The following RFX3 variants were observed in gnomAD, a reference collection of about 807,000 sequenced individuals.
The protein encoded by RFX3 is regulatory factor X3, also known as transcription factor RFX3.
Under a neutral mutation model 98.6 loss-of-function variants are expected in RFX3, and 14 were observed. That is an observed-to-expected ratio of 0.14 (90% confidence interval 0.09 to 0.22). The LOEUF is 0.22. Ranked by LOEUF, RFX3 falls within the 10% of genes least tolerant of loss-of-function variation. The pLI is 1.00. For missense variants in RFX3, 639 were observed against 926.9 expected (o/e 0.69, Z 4.03); for synonymous variants, 383 against 328.4 (o/e 1.17, Z -1.80).
intron 3 of RFX3, among the ~76,000 whole-genome samples, chr9:3,339,281 C>T (rs2131026514): frequency 6.6e-6 from 1 of 152,202 alleles, no homozygotes; most frequent in African/African-American, 2.4e-5. Flanking sequence ...GAGTCACTTG[C>T]CCTGACAACA....
intron 2 of RFX3, among the ~76,000 whole-genome samples, chr9:3,376,485 C>T (rs186063913): frequency 9.9e-5 from 15 of 152,170 alleles, no homozygotes; most frequent in Admixed American, 7.9e-4. Flanking sequence ...ATAAAAAAAC[C>T]TCTCATACAC....
At chr9:3,378,215 A>C (rs943790595) in intron 2 of RFX3, among the ~76,000 whole-genome samples, 16 of 152,182 alleles carry the variant, frequency 1.1e-4, no homozygotes, top group Non-Finnish European at 1.5e-5. Flanking sequence ...TCAAATTGTT[A>C]CATGACTGTC....
intron 1 of RFX3, among the ~76,000 whole-genome samples, chr9:3,495,700 T>TGG (rs1851061548): frequency 6.6e-6 from 1 of 152,072 alleles, no homozygotes; most frequent in Non-Finnish European, 1.5e-5. Flanking sequence ...ACTCTTAAAA[T>TGG]ATCAAGGCAA....
chr9:3,330,390 T>C lies in RFX3; in HGVS notation c.343A>G (p.Thr115Ala), dbSNP rs745447929. Reference sequence around the variant, plus strand: ...GTGACGCCCATCTGAATCCCACCAGTGCCCACCATACTGTGGGATGAGACC... The same window carrying C: ...GTGACGCCCATCTGAATCCCACCAGCGCCCACCATACTGTGGGATGAGACC... ...TVVSSHSMVG[T>A]GGIQMGVTGG... The change falls in exon 4 of 17, where the codon ACT becomes GCT. Residue 115 changes from threonine (T) to alanine (A), a missense_variant. This residue lies in a region of RFX3 where 210 missense variants were observed against 197.7 expected (regional missense o/e 1.06). Transcript: ENST00000617270. 2.5e-6 allele frequency: 4 copies of C among 1,614,130 alleles called. No individual in the cohort carries two copies. Among genetic ancestry groups the C allele is most frequent in the Middle Eastern group, 1.6e-4 (1 of 6,062 alleles).
chr9:3,305,400 A>G (rs532245962), intron 4 of RFX3, among the ~76,000 whole-genome samples: 1 of 152,022 alleles, frequency 6.6e-6, no homozygotes, highest in Non-Finnish European at 1.5e-5. Flanking sequence ...TGCTAGTAGT[A>G]AGGTTAAAAT....
chr9:3,412,799 T>C (rs557072069), intron 1 of RFX3, among the ~76,000 whole-genome samples: 6 of 152,290 alleles, frequency 3.9e-5, no homozygotes, highest in African/African-American at 1.4e-4. Context: ...TTCTTACTTT[T>C]AAAAATTATT....
At chr9:3,304,385 C>G (rs745682851) in intron 4 of RFX3, among the ~76,000 whole-genome samples, 43 of 151,846 alleles carry the variant, frequency 2.8e-4, no homozygotes, top group Admixed American at 7.9e-4. Context: ...TGCAAAAGAT[C>G]ATGATTACAA....
chr9:3,328,621 G>C (rs896606231), intron 4 of RFX3, among the ~76,000 whole-genome samples: 8 of 152,098 alleles, frequency 5.3e-5, no homozygotes, highest in African/African-American at 1.9e-4. Context: ...AGAACAGCTA[G>C]TCATCTGTTC....
At chr9:3,519,154 C>T (rs1333350959) in intron 1 of RFX3, among the ~76,000 whole-genome samples, 1 of 152,108 alleles carries the variant, frequency 6.6e-6, no homozygotes, top group Non-Finnish European at 1.5e-5. Flanking sequence ...ATCATTAGTT[C>T]TTAATCTAAA....
chr9:3,391,289 A>T (rs1840284969), intron 2 of RFX3, among the ~76,000 whole-genome samples: 1 of 152,176 alleles, frequency 6.6e-6, no homozygotes, highest in South Asian at 2.1e-4. Context: ...CCACTGGAAT[A>T]TACTGGGGAG....
intron 1 of RFX3, among the ~76,000 whole-genome samples, chr9:3,446,611 AACAT>A (rs1266253136): frequency 6.6e-6 from 1 of 152,048 alleles, no homozygotes; most frequent in African/African-American, 2.4e-5. Flanking sequence ...CAAAAAAAAA[AACAT>A]ACATACAACT....
intron 1 of RFX3, among the ~76,000 whole-genome samples, chr9:3,438,912 TA>T (rs947282388): frequency 6.6e-6 from 1 of 151,998 alleles, no homozygotes; most frequent in Non-Finnish European, 1.5e-5. Flanking sequence ...AACCAAGATT[TA>T]TAATATTCTG....
chr9:3,498,369 T>C (rs952478577), intron 1 of RFX3, among the ~76,000 whole-genome samples: 1 of 152,060 alleles, frequency 6.6e-6, no homozygotes, highest in Admixed American at 6.6e-5. Context: ...AGATAAATTT[T>C]AAGTTTATCA....
chr9:3,291,731 C>T (rs1357504736), intron 6 of RFX3, among the ~76,000 whole-genome samples: 1 of 152,094 alleles, frequency 6.6e-6, no homozygotes, highest in South Asian at 2.1e-4. Flanking sequence ...TCCTACAACA[C>T]TCACTCCTCT....
At chr9:3,234,639 A>AAAAC (rs367555606) in intron 15 of RFX3, among the ~76,000 whole-genome samples, 2,227 of 152,180 alleles carry the variant, frequency 0.015, 21 homozygotes, top group Admixed American at 0.018. Flanking sequence ...ACCCAGTCTC[A>AAAAC]AAACAAACAA....
At chr9:3,352,248 G>A (rs1160705734) in intron 2 of RFX3, among the ~76,000 whole-genome samples, 1 of 151,932 alleles carries the variant, frequency 6.6e-6, no homozygotes, top group Non-Finnish European at 1.5e-5. Flanking sequence ...ATGTGTGTAT[G>A]TGTGTGTGCA....
In RFX3 at chr9:3,224,943, G is replaced by C. The variant is rs911938827; in HGVS notation, c.*99C>G. 1.7e-6 allele frequency: 2 copies of C among 1,194,306 alleles called. No homozygotes were observed. Among genetic ancestry groups the C allele is most frequent in the Non-Finnish European group, 2.4e-6 (2 of 829,250 alleles). 74.0% of individuals were successfully genotyped at this position (1,194,306 alleles called of 1,614,324 possible). ...AAAAAGTTAATGTTCAGCACAGATAGAATTTGACAACAGTCGACCTTCAGG... is the reference window on the plus strand; with the variant it reads ...AAAAAGTTAATGTTCAGCACAGATACAATTTGACAACAGTCGACCTTCAGG... On this transcript the variant is annotated 3_prime_UTR_variant, in exon 17 of 17. Transcript: ENST00000617270.
chr9:3,407,502 CAG>C (rs1156248080), intron 1 of RFX3, among the ~76,000 whole-genome samples: 1 of 151,998 alleles, frequency 6.6e-6, no homozygotes, highest in African/African-American at 2.4e-5. Context: ...TAGAAATAGG[CAG>C]AGTGAGAACT....
chr9:3,391,499 GA>G (rs1190416550), intron 2 of RFX3, among the ~76,000 whole-genome samples: 100 of 152,192 alleles, frequency 6.6e-4, no homozygotes, highest in African/African-American at 2.3e-3. Flanking sequence ...CGGTGTAAAG[GA>G]ATATAAGGTA....
Sources: allele counts gnomAD v4.1 joint callset (sites outside exome capture counted in the v4.1 genomes callset), GRCh38; gene constraint gnomAD v4.1.1; regional missense constraint gnomAD v4.1.1; transcripts MANE v1.5; gene names NCBI Gene and HGNC (gene_info 2026-07-23, HGNC 2026-07-21).